The following DPP10 variants were observed in gnomAD, a reference collection of about 807,000 sequenced individuals.
The protein encoded by DPP10 is inactive dipeptidyl peptidase 10.
DPP10 carries 33 observed loss-of-function variants against 120.9 expected under a neutral mutation model. That is an observed-to-expected ratio of 0.27 (90% confidence interval 0.21 to 0.37). DPP10 has a LOEUF of 0.37. DPP10 is among the 10% of genes least tolerant of loss of function. DPP10 has a pLI of 1.00. For synonymous variants in DPP10, 337 were observed against 326.1 expected, an observed-to-expected ratio of 1.03 and a Z score of -0.36; for missense variants, 816 against 942.8, an observed-to-expected ratio of 0.87 and a Z score of 1.76.
intron 1 of DPP10, among the ~76,000 whole-genome samples, chr2:114,998,354 T>C (rs929929191): frequency 1.3e-5 from 2 of 152,216 alleles, no homozygotes; most frequent in African/African-American, 4.8e-5. Context: ...TTTTGACATA[T>C]TGCTTCAAAC....
In DPP10 at chr2:115,512,536, A is replaced by G. The variant is rs144645123; in HGVS notation, c.366+12932A>G. Among the ~76,000 whole-genome samples the G allele has an allele frequency of 4.4e-3, 669 of 151,752 alleles. 19 individuals are homozygous for G. Among genetic ancestry groups the G allele is most frequent in the Non-Finnish European group, 1.0e-3 (70 of 67,918 alleles). On this transcript the variant is annotated intron_variant, in intron 4 of 25. Coordinates refer to ENST00000410059, the MANE Select transcript of DPP10 (RefSeq NM_020868.6). ...CCTAATATAGATTTTTACAGCTAAT[A>G]ATTTCCCTGTAAGTTCTTCTTTACT...
At chr2:115,354,667 A>G (rs1299029396) in intron 3 of DPP10, among the ~76,000 whole-genome samples, 1 of 151,252 alleles carries the variant, frequency 6.6e-6, no homozygotes, top group Non-Finnish European at 1.5e-5. Flanking sequence ...GGTTTACCGC[A>G]CCTACTGATT....
chr2:115,271,837 A>G (rs1467026061), intron 1 of DPP10, among the ~76,000 whole-genome samples: 1 of 152,120 alleles, frequency 6.6e-6, no homozygotes, highest in Non-Finnish European at 1.5e-5. Context: ...AAAAGTGAAA[A>G]TTAGGTATTT....
chr2:115,350,153 A>T (rs992217), intron 3 of DPP10, among the ~76,000 whole-genome samples: 105,345 of 151,924 alleles, frequency 0.69, 36,882 homozygotes, highest in Admixed American at 0.76. Context: ...TTTAATGGAA[A>T]ACTAAACAGC....
intron 1 of DPP10, among the ~76,000 whole-genome samples, chr2:114,946,854 T>C (rs950298733): frequency 6.6e-6 from 1 of 152,144 alleles, no homozygotes; most frequent in Non-Finnish European, 1.5e-5. Context: ...AAGGGTTATA[T>C]AGAATTGGCA....
intron 1 of DPP10, among the ~76,000 whole-genome samples, chr2:114,449,252 C>T (rs1262669873): frequency 6.6e-6 from 1 of 151,980 alleles, no homozygotes; most frequent in African/African-American, 2.4e-5. Flanking sequence ...TTCTTTGGCC[C>T]GTAGATATGT....
chr2:114,638,841 G>A (rs1695492130), intron 1 of DPP10, among the ~76,000 whole-genome samples: 1 of 151,772 alleles, frequency 6.6e-6, no homozygotes, highest in Admixed American at 6.6e-5. Flanking sequence ...GCACCACTTT[G>A]TTCATCGTAG....
chr2:114,486,805 T>C (rs1404787508), intron 1 of DPP10, among the ~76,000 whole-genome samples: 1 of 152,206 alleles, frequency 6.6e-6, no homozygotes, highest in East Asian at 1.9e-4. Flanking sequence ...TCTTCAATTA[T>C]AGTCAGATAT....
intron 3 of DPP10, among the ~76,000 whole-genome samples, chr2:115,412,468 A>G (rs1474169679): frequency 6.6e-6 from 1 of 152,210 alleles, no homozygotes; most frequent in Non-Finnish European, 1.5e-5. Flanking sequence ...CACTCTGTAA[A>G]TACAGGTGTC....
At chr2:114,777,074 G>A (rs1047508283) in intron 1 of DPP10, among the ~76,000 whole-genome samples, 1 of 152,036 alleles carries the variant, frequency 6.6e-6, no homozygotes, top group African/African-American at 2.4e-5. Flanking sequence ...TGGACTAAAA[G>A]CAGTTAATAC....
intron 1 of DPP10, among the ~76,000 whole-genome samples, chr2:114,565,732 A>G (rs72951879): frequency 0.045 from 6,780 of 152,228 alleles, 437 homozygotes; most frequent in East Asian, 0.22. Flanking sequence ...CAGACCTGCC[A>G]CCTATAAACT....
chr2:115,322,879 A>T (rs566179580), intron 2 of DPP10, among the ~76,000 whole-genome samples: 2 of 152,262 alleles, frequency 1.3e-5, no homozygotes, highest in South Asian at 2.1e-4. Context: ...CTTTATTGTT[A>T]AAAAAATTCT....
chr2:115,548,702 G>C (rs576190176), intron 5 of DPP10, among the ~76,000 whole-genome samples: 50 of 152,246 alleles, frequency 3.3e-4, no homozygotes, highest in Admixed American at 7.9e-4. Flanking sequence ...AACAGCCGTT[G>C]ATAAACATCA....
chr2:115,511,692 T>G (rs2077229693), intron 4 of DPP10, among the ~76,000 whole-genome samples: 1 of 148,732 alleles, frequency 6.7e-6, no homozygotes, highest in Non-Finnish European at 1.5e-5. Context: ...TTCTTGCCCT[T>G]TTTTCTTCTT....
chr2:115,215,894 G>A (rs2056790836), intron 1 of DPP10, among the ~76,000 whole-genome samples: 1 of 152,072 alleles, frequency 6.6e-6, no homozygotes, highest in Admixed American at 6.6e-5. Flanking sequence ...CAAATATATG[G>A]AATCGTGCTA....
chr2:115,034,910 T>A (rs993618645), intron 1 of DPP10, among the ~76,000 whole-genome samples: 2 of 152,200 alleles, frequency 1.3e-5, no homozygotes, highest in Non-Finnish European at 2.9e-5. Flanking sequence ...CCATTCCCAT[T>A]ACATTTTCTC....
At chr2:114,808,622 C>G (rs35751857) in intron 1 of DPP10, among the ~76,000 whole-genome samples, 15,691 of 151,078 alleles carry the variant, frequency 0.1, 889 homozygotes, top group Non-Finnish European at 0.12. Context: ...TTTACCGTGG[C>G]CTACAGGGCT....
intron 1 of DPP10, among the ~76,000 whole-genome samples, chr2:114,847,958 A>C (rs1476504676): frequency 6.6e-6 from 1 of 152,198 alleles, no homozygotes; most frequent in Non-Finnish European, 1.5e-5. Context: ...CAGGAAACTC[A>C]ACAGGTGTTG....
chr2:114,641,686 G>A (rs1344690187), intron 1 of DPP10, among the ~76,000 whole-genome samples: 1 of 151,858 alleles, frequency 6.6e-6, no homozygotes, highest in African/African-American at 2.4e-5. Context: ...CCAGATAAAA[G>A]CCCACTATTC....
Sources: gnomAD v4.1 joint callset for allele counts (sites outside exome capture counted in the v4.1 genomes callset) on GRCh38, gnomAD v4.1.1 for gene constraint, MANE v1.5 for transcripts, NCBI Gene and HGNC (gene_info 2026-07-23, HGNC 2026-07-21) for gene names.